The following LUZP2 variants were observed in gnomAD, a reference collection of about 807,000 sequenced individuals.
LUZP2 encodes the protein leucine zipper protein 2.
Under a neutral mutation model 51.6 loss-of-function variants are expected in LUZP2, and 52 were observed. The ratio of observed to expected loss-of-function variants is 1.01; its 90% CI spans 0.81 to 1.27. The LOEUF is 1.27. Ranked by LOEUF, LUZP2 falls within the 50% of genes most tolerant of loss-of-function variation. The pLI, the probability that LUZP2 is intolerant of heterozygous loss-of-function variation, is 0.00. For synonymous variants in LUZP2, 154 were observed against 137.3 expected, an observed-to-expected ratio of 1.12 and a Z score of -0.85; for missense variants, 436 against 395.4, an observed-to-expected ratio of 1.10 and a Z score of -0.87.
intron 9 of LUZP2, among the ~76,000 whole-genome samples, chr11:24,991,888 G>A (rs1002202106): frequency 6.6e-6 from 1 of 151,868 alleles, no homozygotes; most frequent in Non-Finnish European, 1.5e-5. Flanking sequence ...GCCTATTTAT[G>A]TTCTTAGCCC....
chr11:25,027,413 A>T (rs1449160979), intron 9 of LUZP2, among the ~76,000 whole-genome samples: 1 of 152,138 alleles, frequency 6.6e-6, no homozygotes, highest in Non-Finnish European at 1.5e-5. Context: ...GTTAGTTAAA[A>T]ATTAAGTTTA....
chr11:24,764,827 CAAAT>C (rs1184359070), intron 5 of LUZP2, among the ~76,000 whole-genome samples: 1 of 151,984 alleles, frequency 6.6e-6, no homozygotes, highest in Non-Finnish European at 1.5e-5. Context: ...CCATCTCTAC[CAAAT>C]AAATAAATAA....
intron 5 of LUZP2, among the ~76,000 whole-genome samples, chr11:24,793,428 G>A (rs1268952099): frequency 1.3e-5 from 2 of 152,256 alleles, no homozygotes; most frequent in Middle Eastern, 3.4e-3. Flanking sequence ...GCAAACATCT[G>A]TGGATGTACT....
intron 1 of LUZP2, among the ~76,000 whole-genome samples, chr11:24,689,415 G>T (rs1472477732): frequency 6.6e-6 from 1 of 152,116 alleles, no homozygotes; most frequent in Non-Finnish European, 1.5e-5. Flanking sequence ...CTGTTATTTT[G>T]TCTCTTAGTG....
chr11:24,882,825 AG>A (rs376760108), intron 5 of LUZP2, among the ~76,000 whole-genome samples: 3 of 144,708 alleles, frequency 2.1e-5, no homozygotes, highest in South Asian at 2.5e-4. Flanking sequence ...GGAGGGAGGG[AG>A]GGAATGAGAA....
chr11:24,976,535 A>T, intron 7 of LUZP2, 56 bp from the exon 8 acceptor site: 1 of 1,190,320 alleles, frequency 8.4e-7, no homozygotes, highest in Non-Finnish European at 1.2e-6. Flanking sequence ...ACAGATGCTT[A>T]AAGTACAGAG....
chr11:24,729,716 T>TA (rs1462792557), intron 2 of LUZP2, among the ~76,000 whole-genome samples: 2 of 151,948 alleles, frequency 1.3e-5, no homozygotes, highest in African/African-American at 4.8e-5. Context: ...GTGGCATCTG[T>TA]AAAAAACATC....
chr11:24,890,176 A>G (rs1159625661), intron 5 of LUZP2, among the ~76,000 whole-genome samples: 1 of 152,220 alleles, frequency 6.6e-6, no homozygotes, highest in Non-Finnish European at 1.5e-5. Context: ...ATGAGCAAAT[A>G]TATTATAAAA....
chr11:24,602,323 C>CACATATATATGT (rs1853755161), intron 1 of LUZP2, among the ~76,000 whole-genome samples: 2 of 82,506 alleles, frequency 2.4e-5, no homozygotes, highest in Non-Finnish European at 5.3e-5. Flanking sequence ...CATATATACA[C>CACATATATATGT]ACACATATAT....
intron 7 of LUZP2, among the ~76,000 whole-genome samples, chr11:24,955,772 T>G (rs1360236047): frequency 2.6e-5 from 4 of 152,028 alleles, no homozygotes; most frequent in Admixed American, 6.6e-5. Flanking sequence ...CAAACAAACT[T>G]AATGACCTCT....
At chr11:24,551,391 C>CA (rs1241210749) in intron 1 of LUZP2, among the ~76,000 whole-genome samples, 1 of 151,822 alleles carries the variant, frequency 6.6e-6, no homozygotes, top group Non-Finnish European at 1.5e-5. Flanking sequence ...TAGCCAAGTC[C>CA]ATAAGAATAT....
chr11:24,892,224 C>T (rs1208036863), intron 5 of LUZP2: 16 of 985,374 alleles, frequency 1.6e-5, no homozygotes, highest in Non-Finnish European at 1.9e-5. Flanking sequence ...GTGTATTTCT[C>T]CCAGATTCAG....
intron 9 of LUZP2, among the ~76,000 whole-genome samples, chr11:24,994,965 A>G (rs940083803): frequency 1.3e-5 from 2 of 152,234 alleles, no homozygotes; most frequent in African/African-American, 4.8e-5. Context: ...CTTTGAAATT[A>G]TATTATACTG....
Position 24,664,100 on chromosome 11 carries a change from A to G in LUZP2, c.63-65069A>G, listed in dbSNP as rs1307360677. 2.0e-5 allele frequency among the ~76,000 whole-genome samples: 3 copies of G among 152,166 alleles called. No homozygotes were observed. In the East Asian group the frequency reaches 5.8e-4, roughly 29 times the overall value. On this transcript the variant is annotated intron_variant, in intron 1 of 11. Transcript: ENST00000336930. ...AAGCGATTTTGGAACTGTGTAACAG[A>G]CAGAGATTGGAAGAGCTTGGAGAAC...
At chr11:24,691,465 C>T (rs913166947) in intron 1 of LUZP2, among the ~76,000 whole-genome samples, 46 of 147,662 alleles carry the variant, frequency 3.1e-4, no homozygotes, top group Non-Finnish European at 6.4e-4. Context: ...CCCATTTTTC[C>T]CTCATATTCT....
At chr11:24,602,100 G>A (rs907968970) in intron 1 of LUZP2, among the ~76,000 whole-genome samples, 2 of 125,988 alleles carry the variant, frequency 1.6e-5, no homozygotes, top group Admixed American at 8.7e-5. Flanking sequence ...ATGTATATAT[G>A]TGTATATGTG....
intron 5 of LUZP2, among the ~76,000 whole-genome samples, chr11:24,820,693 G>A (rs1850331719): frequency 6.6e-6 from 1 of 152,048 alleles, no homozygotes; most frequent in South Asian, 2.1e-4. Flanking sequence ...GGAAAAATGG[G>A]GGCAAATATG....
intron 1 of LUZP2, among the ~76,000 whole-genome samples, chr11:24,613,626 T>G (rs1854194201): frequency 6.6e-6 from 1 of 151,876 alleles, no homozygotes; most frequent in African/African-American, 2.4e-5. Flanking sequence ...TAGATTAGAA[T>G]TAGCTGAATC....
In LUZP2 at chr11:25,081,029, A is replaced by ATTTTTTTTTTTTTTTTTTTTT. The variant is rs553696425; in HGVS notation, c.*2372_*2392dup. On this transcript the variant is annotated 3_prime_UTR_variant, in exon 12 of 12. Coordinates refer to ENST00000336930, the MANE Select transcript of LUZP2 (RefSeq NM_001009909.4). ...ATCAAGTGGGCTTTGGATCCATATG[A>ATTTTTTTTTTTTTTTTTTTTT]TTTTTTTTTTTTTTTTTTTTTGAGA... The ATTTTTTTTTTTTTTTTTTTTT allele has an allele frequency of 9.9e-5, 10 of 100,706 alleles. No homozygotes were observed. Among genetic ancestry groups the ATTTTTTTTTTTTTTTTTTTTT allele is most frequent in the African/African-American group, 3.4e-4 (9 of 26,512 alleles). 6.2% of individuals were successfully genotyped at this position (100,706 alleles called of 1,614,324 possible).
Sources: allele counts gnomAD v4.1 joint callset (sites outside exome capture counted in the v4.1 genomes callset), GRCh38; gene constraint gnomAD v4.1.1; transcripts MANE v1.5; gene names NCBI Gene and HGNC (gene_info 2026-07-23, HGNC 2026-07-21).